The following PCDH19 variants were observed in gnomAD, a reference collection of about 807,000 sequenced individuals.
PCDH19 encodes protocadherin 19, also known as protocadherin-19.
PCDH19 carries 6 observed loss-of-function variants against 46.2 expected under a neutral mutation model. The ratio of observed to expected loss-of-function variants is 0.13; its 90% CI spans 0.07 to 0.26. The LOEUF is 0.26. Among genes scored for constraint, PCDH19 ranks in the 10% least tolerant of loss-of-function variants. PCDH19 has a pLI of 1.00. For missense variants in PCDH19, 740 were observed against 972.3 expected, an observed-to-expected ratio of 0.76 and a Z score of 3.18; for synonymous variants, 481 against 415.7, an observed-to-expected ratio of 1.16 and a Z score of -1.91.
intron 4 of PCDH19, among the ~76,000 whole-genome samples, 177 bp downstream of exon 4, chrX:100,350,469 A>G (rs1926535490): frequency 1.8e-5 from 2 of 112,107 alleles, no homozygotes; most frequent in South Asian, 7.4e-4. Flanking sequence ...TGAAATTACC[A>G]GTGATGTTTA....
In PCDH19 at chrX:100,296,667, C is replaced by T. The variant is rs886043091; in HGVS notation, c.3057G>A (p.Gly1019=). Residue 1019 remains glycine (G), a synonymous_variant, in exon 6 of 6, where the codon GGG becomes GGA. Coordinates refer to ENST00000373034, the MANE Select transcript of PCDH19 (RefSeq NM_001184880.2). ...CAGCCGGGTGGTCGCTGACATCTTT[C>T]CCAAAGGTTGCGAAAGTCCGTTTGG... ...GPTKRTFATF[G]KDVSDHPAEE... The T allele has an allele frequency of 3.1e-5, 38 of 1,211,104 alleles. No individual in the cohort carries two copies. In the Middle Eastern group the frequency reaches 6.9e-4, roughly 22 times the overall value.
intron 3 of PCDH19, among the ~76,000 whole-genome samples, chrX:100,368,448 G>A (rs1396512459): frequency 8.9e-6 from 1 of 111,798 alleles, no homozygotes; most frequent in Non-Finnish European, 1.9e-5. Flanking sequence ...TTGGTGGGGA[G>A]CAGAGAGAGC....
Position 100,295,992 on chromosome X carries a change from C to A in PCDH19, c.*285G>T. ...ACATAGAAAAATATATAAATTCAAA[C>A]ACTTAATACATAATACTTTTCACAA... On this transcript the variant is annotated 3_prime_UTR_variant, in exon 6 of 6. Coordinates refer to ENST00000373034, the MANE Select transcript of PCDH19 (RefSeq NM_001184880.2). 6.2e-6 allele frequency: 2 copies of A among 320,779 alleles called. No homozygotes were observed. The highest frequency in any genetic ancestry group is 8.8e-5 in the South Asian group (1 of 11,382). 26.4% of individuals were successfully genotyped at this position (320,779 alleles called of 1,213,427 possible). A position where few individuals can be genotyped will look rare whatever the true frequency, so the allele number is the denominator to read the frequency against.
Position 100,294,925 on chromosome X carries a change from T to C in PCDH19, c.*1352A>G, listed in dbSNP as rs768103703. 8.9e-6 allele frequency: 1 copy of C among 112,471 alleles called. No homozygotes were observed. The highest frequency in any genetic ancestry group is 1.9e-5 in the Non-Finnish European group (1 of 53,192). 9.3% of individuals were successfully genotyped at this position (112,471 alleles called of 1,213,427 possible). A position where few individuals can be genotyped will look rare whatever the true frequency, so the allele number is the denominator to read the frequency against. On this transcript the variant is annotated 3_prime_UTR_variant, in exon 6 of 6. Transcript: ENST00000373034. ...TTGGCTAAATCGAAAGGATTTTTAT[T>C]TTAGTATTTTCTTGTTCACATTTTT...
chrX:100,329,855 T>C (rs1355988626), intron 5 of PCDH19, among the ~76,000 whole-genome samples: 2 of 111,735 alleles, frequency 1.8e-5, no homozygotes, highest in Non-Finnish European at 3.8e-5. Context: ...GAGGTTGCAG[T>C]GAGCTGAGAT....
At chrX:100,403,827 A>T (rs886865856) in intron 1 of PCDH19, among the ~76,000 whole-genome samples, 163 bp from the exon 2 acceptor site, 2 of 112,803 alleles carry the variant, frequency 1.8e-5, no homozygotes, top group Non-Finnish European at 3.7e-5. Flanking sequence ...AGACTTGTCA[A>T]AAGAAATACA....
intron 3 of PCDH19, among the ~76,000 whole-genome samples, chrX:100,361,926 C>T (rs1268903752): frequency 8.9e-6 from 1 of 111,767 alleles, no homozygotes; most frequent in Non-Finnish European, 1.9e-5. Context: ...GCAGTGAACA[C>T]AACCAGAGCA....
Position 100,337,839 on chromosome X carries a change from G to T in PCDH19, c.2848+4064C>A, listed in dbSNP as rs1926131497. Among the ~76,000 whole-genome samples the T allele has an allele frequency of 3.6e-5, 4 of 111,873 alleles. No homozygotes were observed. In the South Asian group the frequency reaches 1.5e-3, roughly 42 times the overall value. On this transcript the variant is annotated intron_variant, in intron 5 of 5. Transcript: ENST00000373034. Reference sequence around the variant, plus strand: ...AAAGAAATGATAAATGTTTGAGGTTGCTGGATATACTAACCACCCCGATTT... The same window carrying T: ...AAAGAAATGATAAATGTTTGAGGTTTCTGGATATACTAACCACCCCGATTT...
chrX:100,355,031 A>G (rs923041248), intron 3 of PCDH19, among the ~76,000 whole-genome samples: 3 of 111,899 alleles, frequency 2.7e-5, no homozygotes, highest in Non-Finnish European at 5.6e-5. Context: ...TATTTATCAC[A>G]AATTCTTTTT....
chrX:100,408,644 G>A lies in PCDH19; in HGVS notation c.-47C>T, dbSNP rs1057523140. On this transcript the variant is annotated 5_prime_UTR_variant, in exon 1 of 6. Transcript: ENST00000373034. ...GCCTCGCCTCTCCACACCCCTCCGA[G>A]ACCGACGCCGTCGGCGCTCCAGCTT... is the stretch of plus-strand genomic sequence containing the variant. The A allele has an allele frequency of 8.7e-6, 9 of 1,033,017 alleles. No individual in the cohort carries two copies. Among genetic ancestry groups the A allele is most frequent in the Admixed American group, 2.6e-5 (1 of 38,388 alleles). The allele number at this position is 1,033,017 out of a possible 1,213,427, so 85.1% of individuals were successfully genotyped here. A position where few individuals can be genotyped will look rare whatever the true frequency, so the allele number is the denominator to read the frequency against.
Position 100,397,120 on chromosome X carries a change from A to G in PCDH19, c.2616+5404T>C, listed in dbSNP as rs140479579. 3.7e-3 allele frequency among the ~76,000 whole-genome samples: 417 copies of G among 112,140 alleles called. 2 individuals are homozygous for G. Among genetic ancestry groups the G allele is most frequent in the African/African-American group, 0.013 (402 of 30,879 alleles). ...GTGCCTTCTGAATCTACTACCTGATAGGTTTGTGGCTGTCTAATTTAGCCC... is the reference window on the plus strand; with the variant it reads ...GTGCCTTCTGAATCTACTACCTGATGGGTTTGTGGCTGTCTAATTTAGCCC... On this transcript the variant is annotated intron_variant, in intron 3 of 5. Coordinates refer to ENST00000373034, the MANE Select transcript of PCDH19 (RefSeq NM_001184880.2).
At position 100,403,640 on chromosome X, in the gene PCDH19, G is replaced by A. The variant is rs746334244; in HGVS notation, c.2172C>T (p.Leu724=). 1.7e-6 allele frequency: 2 copies of A among 1,205,435 alleles called. No homozygotes were observed. Among genetic ancestry groups the A allele is most frequent in the East Asian group, 3.0e-5 (1 of 33,786 alleles). The stretch of plus-strand genomic sequence containing the variant: ...TTTGTCCTTTTATAAAACAGCCGAG[G>A]AGACAAGTGATGGTTAAACAATTAC... ...NCSNCLTITC[L]LGCFIKGQNS... is the part of the protein sequence containing the mutation. Residue 724 remains leucine (L), a synonymous_variant, in exon 2 of 6, where the codon CTC becomes CTT. Transcript: ENST00000373034.
At chrX:100,376,760 AAC>A (rs1927399669) in intron 3 of PCDH19, among the ~76,000 whole-genome samples, 2 of 111,984 alleles carry the variant, frequency 1.8e-5, no homozygotes, top group African/African-American at 6.5e-5. Context: ...AAGCATCTGG[AAC>A]AGTGCCTGGC....
chrX:100,313,059 T>A (rs1479463936), intron 5 of PCDH19, among the ~76,000 whole-genome samples: 2 of 111,485 alleles, frequency 1.8e-5, no homozygotes, highest in Non-Finnish European at 3.8e-5. Context: ...TAAGATGCAT[T>A]TTCATTCACA....
At chrX:100,322,865 A>ATT (rs57520956) in intron 5 of PCDH19, among the ~76,000 whole-genome samples, 15 of 54,404 alleles carry the variant, frequency 2.8e-4, no homozygotes, top group African/African-American at 1.1e-3. Context: ...ATATATATAT[A>ATT]TTTTTGCAGC....
chrX:100,360,106 C>T (rs1242140009), intron 3 of PCDH19, among the ~76,000 whole-genome samples: 2 of 111,842 alleles, frequency 1.8e-5, no homozygotes, highest in Admixed American at 1.9e-4. Context: ...AGAGAGAAAG[C>T]GGTGGGTGGC....
At chrX:100,390,960 A>T (rs750909815) in intron 3 of PCDH19, among the ~76,000 whole-genome samples, 2 of 111,827 alleles carry the variant, frequency 1.8e-5, no homozygotes, top group Non-Finnish European at 3.8e-5. Flanking sequence ...AGTAGCTAAA[A>T]TATTTATCTC....
At chrX:100,362,507 C>A (rs1006390638) in intron 3 of PCDH19, among the ~76,000 whole-genome samples, 9 of 110,797 alleles carry the variant, frequency 8.1e-5, no homozygotes, top group African/African-American at 1.3e-4. Context: ...TCAAAAGTTA[C>A]TCTGGGCCCG....
chrX:100,358,803 CA>C (rs1926793559), intron 3 of PCDH19, among the ~76,000 whole-genome samples: 1 of 112,161 alleles, frequency 8.9e-6, no homozygotes, highest in Non-Finnish European at 1.9e-5. Flanking sequence ...AACAATATCT[CA>C]GTATGAGTAA....
Sources: allele counts gnomAD v4.1 joint callset (sites outside exome capture counted in the v4.1 genomes callset), GRCh38; gene constraint gnomAD v4.1.1; transcripts MANE v1.5; gene names NCBI Gene and HGNC (gene_info 2026-07-23, HGNC 2026-07-21).